The following PIK3R4 variants were observed in gnomAD, a reference collection of about 807,000 sequenced individuals.
PIK3R4 encodes phosphoinositide 3-kinase regulatory subunit 4.
Under a neutral mutation model 136.5 loss-of-function variants are expected in PIK3R4, and 46 were observed. That is an observed-to-expected ratio of 0.34 (90% confidence interval 0.27 to 0.43). The LOEUF (loss-of-function observed/expected upper bound fraction) is 0.43. Ranked by LOEUF, PIK3R4 falls within the 20% of genes least tolerant of loss-of-function variation. The pLI is 1.00. For missense variants in PIK3R4, 1,331 were observed against 1,649.5 expected, an observed-to-expected ratio of 0.81 and a Z score of 3.35; for synonymous variants, 557 against 566.7, an observed-to-expected ratio of 0.98 and a Z score of 0.24.
At chr3:130,745,374 TCTTCCA>T (rs1174359712) in intron 1 of PIK3R4, 110 bp from the exon 2 acceptor site, 2 of 700,016 alleles carry the variant, frequency 2.9e-6, no homozygotes, top group Non-Finnish European at 4.6e-6. Flanking sequence ...AGCATACTTC[TCTTCCA>T]CTAACAGCAC....
chr3:130,710,664 A>C (rs1379613512), intron 9 of PIK3R4, among the ~76,000 whole-genome samples: 1 of 152,194 alleles, frequency 6.6e-6, no homozygotes, highest in Admixed American at 6.5e-5. Context: ...TGAATGTACA[A>C]GTTCAAAAGA....
At chr3:130,683,843 A>G (rs1030051021) in intron 16 of PIK3R4, among the ~76,000 whole-genome samples, 3 of 152,160 alleles carry the variant, frequency 2.0e-5, no homozygotes, top group Middle Eastern at 3.2e-3. Context: ...GGAGCCATAA[A>G]AGAAAATTTG....
chr3:130,719,469 A>C (rs1216282443), intron 7 of PIK3R4, among the ~76,000 whole-genome samples: 1 of 152,250 alleles, frequency 6.6e-6, no homozygotes, highest in Non-Finnish European at 1.5e-5. Flanking sequence ...AGATGCGTTC[A>C]AAATATCTAT....
At chr3:130,736,083 T>C in intron 2 of PIK3R4, 81 bp from the exon 3 acceptor site, 1 of 1,137,826 alleles carries the variant, frequency 8.8e-7, no homozygotes, top group East Asian at 2.6e-5. Flanking sequence ...AGACAGTTCA[T>C]AAAACCCAAA....
In PIK3R4 at chr3:130,684,465, G is replaced by C. The variant is rs2066477478; in HGVS notation, c.3476-84C>G. The stretch of plus-strand genomic sequence containing the variant: ...TTTATACAAATGAAAAATAGTATTA[G>C]CTTTTTATGAATTTATTTGAAAAAT... On this transcript the variant is annotated intron_variant, in intron 15 of 19. Coordinates refer to ENST00000356763, the MANE Select transcript of PIK3R4 (RefSeq NM_014602.3). 7 of 1,231,068 alleles carry C rather than the reference G, an allele frequency of 5.7e-6. No homozygotes were observed. The Admixed American group carries it at 1.6e-4, about 28-fold the overall frequency. 76.3% of individuals were successfully genotyped at this position (1,231,068 alleles called of 1,614,324 possible).
intron 9 of PIK3R4, among the ~76,000 whole-genome samples, chr3:130,710,106 T>A (rs147718019): frequency 2.6e-4 from 40 of 152,224 alleles, no homozygotes; most frequent in African/African-American, 9.1e-4. Flanking sequence ...AGGAAAACTA[T>A]AGGATAAGGT....
Position 130,728,482 on chromosome 3 carries a change from T to G in PIK3R4, c.1788A>C (p.Ala596=). 1 of 1,608,516 alleles carries G rather than the reference T, an allele frequency of 6.2e-7. No individual in the cohort carries two copies. Among genetic ancestry groups the G allele is most frequent in the Non-Finnish European group, 8.5e-7 (1 of 1,177,434 alleles). The change falls in exon 6 of 20, where the codon GCA becomes GCC. Residue 596 remains alanine, a synonymous_variant. Coordinates refer to ENST00000356763, the MANE Select transcript of PIK3R4 (RefSeq NM_014602.3). ...NDKNDWHLRG[A]FFDSIVGVAA... is the part of the protein sequence containing the mutation. The stretch of plus-strand genomic sequence containing the variant: ...ACATACCAACTATACTATCAAAAAA[T>G]GCTCCACGTAGATGCCAATCATTCT...
At position 130,686,197 on chromosome 3, in the gene PIK3R4, GA is replaced by G; in HGVS notation, c.3475+13del. Reference sequence around the variant, plus strand: ...GCATTCAAAACCCAGCCAATGACTTGAAAGTTAGCTTACCAATGCAGAGCCA... The same window carrying G: ...GCATTCAAAACCCAGCCAATGACTTGAAGTTAGCTTACCAATGCAGAGCCA... On this transcript the variant is annotated intron_variant, in intron 15 of 19. Transcript: ENST00000356763. The G allele has an allele frequency of 6.4e-7, 1 of 1,574,600 alleles. No homozygotes were observed. The highest frequency in any genetic ancestry group is 8.7e-7 in the Non-Finnish European group (1 of 1,144,336).
intron 2 of PIK3R4, among the ~76,000 whole-genome samples, chr3:130,738,533 G>A (rs989363823): frequency 2.0e-5 from 3 of 152,098 alleles, no homozygotes; most frequent in African/African-American, 7.2e-5. Flanking sequence ...AGCTGTAAGA[G>A]CAAAGTGTCA....
chr3:130,715,124 T>TG (rs1384769423), intron 9 of PIK3R4, among the ~76,000 whole-genome samples: 1 of 146,622 alleles, frequency 6.8e-6, no homozygotes, highest in East Asian at 2.0e-4. Context: ...TTCCCGACTT[T>TG]TTTTTTTTTT....
chr3:130,686,096 A>G, intron 15 of PIK3R4, 115 bp downstream of exon 15: 1 of 670,588 alleles, frequency 1.5e-6, no homozygotes, highest in Non-Finnish European at 2.6e-6. Context: ...ATGAAAAAAA[A>G]AAAAGACGGG....
At chr3:130,736,348 C>G (rs921813636) in intron 2 of PIK3R4, among the ~76,000 whole-genome samples, 1 of 152,184 alleles carries the variant, frequency 6.6e-6, no homozygotes, top group Admixed American at 6.5e-5. Flanking sequence ...GCCAGCAGAT[C>G]ATCTGATGTC....
intron 3 of PIK3R4, among the ~76,000 whole-genome samples, chr3:130,734,874 G>A (rs1271764719): frequency 6.6e-6 from 1 of 152,112 alleles, no homozygotes; most frequent in Non-Finnish European, 1.5e-5. Context: ...TGAACTTTCT[G>A]TTTACAGTTT....
intron 19 of PIK3R4, among the ~76,000 whole-genome samples, chr3:130,679,808 T>C (rs1437595860): frequency 6.6e-6 from 1 of 152,254 alleles, no homozygotes; most frequent in East Asian, 1.9e-4. Flanking sequence ...CCAGGCGCGG[T>C]GGGTCACGCC....
intron 2 of PIK3R4, among the ~76,000 whole-genome samples, chr3:130,737,778 C>A (rs2066794160): frequency 6.6e-6 from 1 of 152,172 alleles, no homozygotes; most frequent in Admixed American, 6.5e-5. Context: ...TTTGGGCAAA[C>A]ACATCTAACT....
At chr3:130,691,959 CT>C (rs2066522257) in intron 13 of PIK3R4, among the ~76,000 whole-genome samples, 1 of 146,936 alleles carries the variant, frequency 6.8e-6, no homozygotes, top group Non-Finnish European at 1.5e-5. Context: ...ACCACAAGCT[CT>C]GCCTCCTGGG....
At chr3:130,681,438 A>T in intron 17 of PIK3R4, 53 bp downstream of exon 17, 1 of 1,130,058 alleles carries the variant, frequency 8.8e-7, no homozygotes, top group Non-Finnish European at 1.3e-6. Flanking sequence ...GCCTGAAAGT[A>T]CTTAGGATGT....
chr3:130,726,858 T>G (rs547312729), intron 6 of PIK3R4, among the ~76,000 whole-genome samples: 1 of 151,910 alleles, frequency 6.6e-6, no homozygotes, highest in Admixed American at 6.5e-5. Flanking sequence ...AAGAAATAAA[T>G]ATAACATTAT....
intron 19 of PIK3R4, among the ~76,000 whole-genome samples, chr3:130,679,697 A>G (rs914426844): frequency 6.6e-6 from 1 of 152,200 alleles, no homozygotes; most frequent in Non-Finnish European, 1.5e-5. Flanking sequence ...GTAGCCACTT[A>G]TAACTATGGA....
Sources: gnomAD v4.1 joint callset for allele counts (sites outside exome capture counted in the v4.1 genomes callset) on GRCh38, gnomAD v4.1.1 for gene constraint, MANE v1.5 for transcripts, NCBI Gene and HGNC (gene_info 2026-07-23, HGNC 2026-07-21) for gene names.